Variants in ZFYVE9 observed in about 807,000 individuals in gnomAD.
ZFYVE9 encodes zinc finger FYVE-type containing 9.
In ZFYVE9, 43 loss-of-function variants were observed where a neutral mutation model predicts 126.7. That is an observed-to-expected ratio of 0.34 (90% CI 0.27 to 0.44). The LOEUF is 0.44. ZFYVE9 is among the 20% of genes least tolerant of loss of function. The pLI is 1.00. For synonymous variants in ZFYVE9, 521 were observed against 597.4 expected (o/e 0.87, Z 1.87); for missense variants, 1,476 against 1,697.0 (o/e 0.87, Z 2.29).
rs1028931579 is a variant in ZFYVE9, at chr1:52,184,258, C to T, written c.-142-32111C>T. On this transcript the variant is annotated intron_variant, in intron 1 of 18. Transcript: ENST00000287727. Reference sequence around the variant, plus strand: ...ATATATTTTGAGATGGATTTTCACTCTTGTTGCCCAGGCTGGAGTGCAGTG... The same window carrying T: ...ATATATTTTGAGATGGATTTTCACTTTTGTTGCCCAGGCTGGAGTGCAGTG... Among the ~76,000 whole-genome samples, 9 of 140,852 alleles carry T rather than the reference C, an allele frequency of 6.4e-5. No individual in the cohort carries two copies. The East Asian group carries it at 1.1e-3, about 17-fold the overall frequency. The allele number at this position is 140,852 out of a possible 152,430, so 92.4% of individuals were successfully genotyped here.
chr1:52,176,637 T>G (rs1036809961), intron 1 of ZFYVE9, among the ~76,000 whole-genome samples: 3 of 152,182 alleles, frequency 2.0e-5, no homozygotes, highest in African/African-American at 7.2e-5. Context: ...AGCTGTGGTG[T>G]GCTCCACCCA....
chr1:52,224,496 C>T lies in ZFYVE9; in HGVS notation c.-37+8022C>T, dbSNP rs891865348. 3.3e-4 allele frequency among the ~76,000 whole-genome samples: 50 copies of T among 152,228 alleles called. 1 individual carries two copies. The highest frequency in any genetic ancestry group is 4.4e-4 in the Non-Finnish European group (30 of 68,016). On this transcript the variant is annotated intron_variant, in intron 2 of 18. Coordinates refer to ENST00000287727, the MANE Select transcript of ZFYVE9 (RefSeq NM_004799.4). ...GATAGAGAAGGACAGGTCTTTTTCT[C>T]CAACATAGAGCATCATCTGTCTCCT...
intron 12 of ZFYVE9, among the ~76,000 whole-genome samples, chr1:52,296,586 T>C (rs1473842445): frequency 6.6e-6 from 1 of 152,188 alleles, no homozygotes; most frequent in Non-Finnish European, 1.5e-5. Context: ...TTGAGTCCAC[T>C]AAGTTCTCTG....
chr1:52,212,859 G>A (rs1278226539), intron 1 of ZFYVE9, among the ~76,000 whole-genome samples: 2 of 152,170 alleles, frequency 1.3e-5, no homozygotes, highest in African/African-American at 4.8e-5. Context: ...AGAGAACTAT[G>A]TGATTAATTA....
At chr1:52,304,163 A>G (rs961994703) in intron 13 of ZFYVE9, among the ~76,000 whole-genome samples, 3 of 152,122 alleles carry the variant, frequency 2.0e-5, no homozygotes, top group Non-Finnish European at 4.4e-5. Context: ...AATTAGTATT[A>G]GATTTGCATT....
chr1:52,176,873 C>A (rs570444822), intron 1 of ZFYVE9, among the ~76,000 whole-genome samples: 1 of 152,124 alleles, frequency 6.6e-6, no homozygotes, highest in African/African-American at 2.4e-5. Context: ...GGGAGTGACC[C>A]GATTTTCCAG....
At chr1:52,163,312 C>G (rs1300093765) in intron 1 of ZFYVE9, among the ~76,000 whole-genome samples, 1 of 152,176 alleles carries the variant, frequency 6.6e-6, no homozygotes, top group Non-Finnish European at 1.5e-5. Flanking sequence ...TTGTTCTCCT[C>G]TACATCACTC....
Position 52,238,807 on chromosome 1 carries a change from A to C in ZFYVE9, c.1390A>C (p.Thr464Pro). Residue 464 changes from threonine (T) to proline (P), a missense_variant, in exon 4 of 19, where the codon ACT (threonine) becomes CCT (proline). This residue lies in a region of ZFYVE9 where 807 missense variants were observed against 794.6 expected (regional missense o/e 1.02). Transcript: ENST00000287727. ...TGAAAGTGAAGAATGTGATTTCTCC[A>C]CTGTTATAGACACACCAGCAGCAAA... The part of the protein sequence containing the change: ...ISESEECDFS[T>P]VIDTPAANYL... 1 of 1,614,108 alleles carries C rather than the reference A, an allele frequency of 6.2e-7. No homozygotes were observed. The highest frequency in any genetic ancestry group is 8.5e-7 in the Non-Finnish European group (1 of 1,179,960).
Position 52,251,809 on chromosome 1 carries a change from T to A in ZFYVE9, c.2179-11964T>A, listed in dbSNP as rs143340161. The stretch of plus-strand genomic sequence containing the variant: ...TTGGTAGAATTTGCCACCAAAATCA[T>A]CTGATCTAGGGCTTTACTTTGTTGG... On this transcript the variant is annotated intron_variant, in intron 4 of 18. Coordinates refer to ENST00000287727, the MANE Select transcript of ZFYVE9 (RefSeq NM_004799.4). Among the ~76,000 whole-genome samples the A allele has an allele frequency of 2.2e-3, 337 of 152,300 alleles. 2 individuals are homozygous for A. Among genetic ancestry groups the A allele is most frequent in the African/African-American group, 7.9e-3 (329 of 41,570 alleles).
intron 13 of ZFYVE9, among the ~76,000 whole-genome samples, chr1:52,319,196 G>A (rs1004927169): frequency 1.3e-5 from 2 of 152,098 alleles, no homozygotes; most frequent in South Asian, 2.1e-4. Flanking sequence ...ATATTGTTAC[G>A]AGAATTTAAA....
At chr1:52,325,038 G>A (rs1646277523) in intron 13 of ZFYVE9, among the ~76,000 whole-genome samples, 1 of 152,196 alleles carries the variant, frequency 6.6e-6, no homozygotes, top group Non-Finnish European at 1.5e-5. Flanking sequence ...CCAACACTTT[G>A]GGAGGCTGAG....
chr1:52,315,941 A>G (rs764715086), intron 13 of ZFYVE9, among the ~76,000 whole-genome samples: 63 of 151,986 alleles, frequency 4.1e-4, no homozygotes, highest in Non-Finnish European at 8.2e-4. Flanking sequence ...CGAGGCAGGC[A>G]GATCACTTGA....
Position 52,239,251 on chromosome 1 carries a change from A to G in ZFYVE9, c.1834A>G (p.Lys612Glu). 1 of 1,614,150 alleles carries G rather than the reference A, an allele frequency of 6.2e-7. No individual in the cohort carries two copies. Among genetic ancestry groups the G allele is most frequent in the Non-Finnish European group, 8.5e-7 (1 of 1,180,006 alleles). ...TCCTGCAAACAGTGGAAATAATACT[A>G]AAAATAAAAATGATATTCTTGGGAA... Reference protein sequence around the residue: ...DFPANSGNNTKNKNDILGKAK... With the variant: ...DFPANSGNNTENKNDILGKAK... Residue 612 changes from lysine to glutamate, a missense_variant, in exon 4 of 19, where the codon AAA becomes GAA. Physicochemically the swap from Lys to Glu is moderately conservative, Grantham distance 56 (BLOSUM62 1). Transcript: ENST00000287727.
At chr1:52,272,950 C>G (rs892444463) in intron 7 of ZFYVE9, among the ~76,000 whole-genome samples, 1 of 152,144 alleles carries the variant, frequency 6.6e-6, no homozygotes, top group African/African-American at 2.4e-5. Context: ...GCGTGAGCCA[C>G]TGTACCCGGC....
intron 9 of ZFYVE9, among the ~76,000 whole-genome samples, chr1:52,279,930 T>C (rs1056970012): frequency 9.2e-5 from 14 of 152,222 alleles, no homozygotes; most frequent in Admixed American, 7.2e-4. Context: ...AAGTTCTACA[T>C]TGATGAAATG....
At chr1:52,158,805 ATTTTTTT>A (rs112587594) in intron 1 of ZFYVE9, among the ~76,000 whole-genome samples, 2 of 140,640 alleles carry the variant, frequency 1.4e-5, no homozygotes, top group African/African-American at 2.6e-5. Context: ...TTGTTCTTGT[ATTTTTTT>A]TTTTTTTTGA....
intron 1 of ZFYVE9, chr1:52,180,603 A>G: frequency 1.8e-6 from 1 of 559,422 alleles, no homozygotes; most frequent in Non-Finnish European, 3.2e-6. Context: ...GGATTTTTTA[A>G]AAAAGGATAA....
chr1:52,160,694 G>C (rs1007439830), intron 1 of ZFYVE9: 1 of 491,050 alleles, frequency 2.0e-6, no homozygotes, highest in Non-Finnish European at 3.6e-6. Flanking sequence ...GATTACAGGC[G>C]TGAGCCACTG....
At chr1:52,301,351 G>T (rs1646033043) in intron 12 of ZFYVE9, among the ~76,000 whole-genome samples, 3 of 129,208 alleles carry the variant, frequency 2.3e-5, no homozygotes, top group South Asian at 2.5e-4. Context: ...GCCCAGGCTG[G>T]AGTGCAGTGG....
Sources: allele counts gnomAD v4.1 joint callset (sites outside exome capture counted in the v4.1 genomes callset), GRCh38; gene constraint gnomAD v4.1.1; regional missense constraint gnomAD v4.1.1; transcripts MANE v1.5; gene names NCBI Gene and HGNC (gene_info 2026-07-23, HGNC 2026-07-21).